The following TFDP2 variants were observed in gnomAD, a reference collection of about 807,000 sequenced individuals.
TFDP2 encodes the protein transcription factor Dp-2 (E2F dimerization partner 2).
A neutral mutation model predicts 59.3 loss-of-function variants in TFDP2; 17 were observed. The observed-to-expected ratio is 0.29, with a 90% confidence interval of 0.20 to 0.43. TFDP2 has a LOEUF of 0.43. Among genes scored for constraint, TFDP2 ranks in the 20% least tolerant of loss-of-function variants. TFDP2 has a pLI of 1.00. For missense variants in TFDP2, 391 were observed against 528.8 expected (o/e 0.74, Z 2.56); for synonymous variants, 180 against 194.7 (o/e 0.92, Z 0.63).
chr3:141,996,257 G>T (rs780447116), intron 4 of TFDP2, among the ~76,000 whole-genome samples: 18 of 152,144 alleles, frequency 1.2e-4, no homozygotes, highest in South Asian at 4.1e-4. Flanking sequence ...AATAGCTTTA[G>T]AAGTATTTTC....
chr3:142,100,171 C>A (rs571499746), intron 2 of TFDP2, among the ~76,000 whole-genome samples: 16 of 152,328 alleles, frequency 1.1e-4, no homozygotes, highest in African/African-American at 3.4e-4. Flanking sequence ...TTAGAACTAT[C>A]GGTCTGACTC....
At chr3:142,102,974 G>T (rs1039893925) in intron 1 of TFDP2, among the ~76,000 whole-genome samples, 3 of 152,172 alleles carry the variant, frequency 2.0e-5, no homozygotes, top group Non-Finnish European at 4.4e-5. Flanking sequence ...AGCGGCTCAC[G>T]CCTGTAATCC....
At chr3:142,037,953 T>C (rs1946764894) in intron 3 of TFDP2, among the ~76,000 whole-genome samples, 3 of 152,238 alleles carry the variant, frequency 2.0e-5, no homozygotes, top group Non-Finnish European at 4.4e-5. Flanking sequence ...ACATCTCTGA[T>C]TCTTTTCTAA....
intron 3 of TFDP2, among the ~76,000 whole-genome samples, chr3:142,046,665 AG>A (rs1947358564): frequency 6.6e-6 from 1 of 152,202 alleles, no homozygotes; most frequent in Non-Finnish European, 1.5e-5. Flanking sequence ...GAAGTAGAGA[AG>A]GGTAGAAATC....
In TFDP2 at chr3:141,945,792, G is replaced by A. The variant is rs796654630; in HGVS notation, c.*6721C>T. Reference sequence around the variant, plus strand: ...AATGGCATGCATTGAAGCACGACAAGGGATGAGTTTTTAAATCCAAACGTG... The same window carrying A: ...AATGGCATGCATTGAAGCACGACAAAGGATGAGTTTTTAAATCCAAACGTG... On this transcript the variant is annotated 3_prime_UTR_variant, in exon 13 of 13. Transcript: ENST00000489671. The A allele has an allele frequency of 6.6e-6, 1 of 152,268 alleles. No homozygotes were observed. The highest frequency in any genetic ancestry group is 6.5e-5 in the Admixed American group (1 of 15,280). The allele number at this position is 152,268 out of a possible 1,614,324, so 9.4% of individuals were successfully genotyped here.
chr3:141,999,187 G>A (rs76602479), intron 4 of TFDP2, among the ~76,000 whole-genome samples: 10,654 of 152,196 alleles, frequency 0.07, 473 homozygotes, highest in Non-Finnish European at 0.11. Context: ...AGACGTCGAG[G>A]ATGAAGACTT....
intron 2 of TFDP2, among the ~76,000 whole-genome samples, chr3:142,097,003 C>T (rs943408527): frequency 2.6e-5 from 4 of 152,210 alleles, no homozygotes; most frequent in African/African-American, 9.6e-5. Flanking sequence ...TCCAACACTT[C>T]AACCCTGACA....
At chr3:142,060,488 G>A (rs1054484923) in intron 3 of TFDP2, among the ~76,000 whole-genome samples, 4 of 152,210 alleles carry the variant, frequency 2.6e-5, no homozygotes, top group African/African-American at 9.6e-5. Context: ...CTGTGAGACA[G>A]GCACTATGCT....
intron 3 of TFDP2, among the ~76,000 whole-genome samples, chr3:142,049,256 A>T (rs1947494067): frequency 1.3e-5 from 2 of 152,234 alleles, no homozygotes; most frequent in African/African-American, 4.8e-5. Context: ...TAGAATATAT[A>T]AAAAGGATAA....
chr3:141,957,491 T>C (rs1387271977), intron 11 of TFDP2, among the ~76,000 whole-genome samples: 1 of 152,204 alleles, frequency 6.6e-6, no homozygotes, highest in East Asian at 1.9e-4. Flanking sequence ...TAAAAACATA[T>C]GTTTACACAT....
At chr3:142,084,108 C>CA (rs2108591789) in intron 3 of TFDP2, among the ~76,000 whole-genome samples, 1 of 152,114 alleles carries the variant, frequency 6.6e-6, no homozygotes, top group Non-Finnish European at 1.5e-5. Flanking sequence ...ACCCACCTGA[C>CA]AAGAGTTTTA....
At chr3:141,958,182 T>C (rs575531914) in intron 11 of TFDP2, among the ~76,000 whole-genome samples, 9 of 152,166 alleles carry the variant, frequency 5.9e-5, no homozygotes, top group Non-Finnish European at 1.2e-4. Flanking sequence ...CTGGGATACA[T>C]GTATAGGAAT....
intron 8 of TFDP2, among the ~76,000 whole-genome samples, chr3:141,970,369 T>C (rs1159722711): frequency 6.6e-6 from 1 of 152,216 alleles, no homozygotes; most frequent in Non-Finnish European, 1.5e-5. Context: ...ATCATACACT[T>C]AATGAATACT....
At chr3:141,992,647 G>A (rs1942895813) in intron 6 of TFDP2, among the ~76,000 whole-genome samples, 1 of 152,164 alleles carries the variant, frequency 6.6e-6, no homozygotes, top group Admixed American at 6.5e-5. Context: ...AGAAGTGATT[G>A]TATCTGTTGA....
intron 1 of TFDP2, chr3:142,145,632 G>A (rs2063142736): frequency 6.6e-6 from 1 of 151,970 alleles, no homozygotes; most frequent in African/African-American, 2.4e-5. Flanking sequence ...CCAGCAACTC[G>A]GGAGGCTGGA....
At chr3:142,125,034 G>GAA (rs201061658) in intron 1 of TFDP2, among the ~76,000 whole-genome samples, 1 of 149,586 alleles carries the variant, frequency 6.7e-6, no homozygotes, top group African/African-American at 2.4e-5. Flanking sequence ...CATCTTTACC[G>GAA]AAAAAAAAAA....
intron 3 of TFDP2, among the ~76,000 whole-genome samples, chr3:142,060,508 T>A (rs1156601986): frequency 6.6e-6 from 1 of 152,196 alleles, no homozygotes; most frequent in East Asian, 1.9e-4. Context: ...TAGGTACAAG[T>A]CCCATGTTGT....
intron 3 of TFDP2, among the ~76,000 whole-genome samples, chr3:142,055,360 C>T (rs146688387): frequency 7.2e-5 from 11 of 152,174 alleles, no homozygotes; most frequent in Non-Finnish European, 1.0e-4. Context: ...GAATCACTCA[C>T]GGGACATATG....
chr3:142,081,199 A>G (rs1315317903), intron 3 of TFDP2, among the ~76,000 whole-genome samples: 3 of 152,332 alleles, frequency 2.0e-5, no homozygotes, highest in African/African-American at 7.2e-5. Flanking sequence ...AAACTGTACA[A>G]AGATATGGAA....
Sources: allele counts gnomAD v4.1 joint callset (sites outside exome capture counted in the v4.1 genomes callset), GRCh38; gene constraint gnomAD v4.1.1; transcripts MANE v1.5; gene names NCBI Gene and HGNC (gene_info 2026-07-23, HGNC 2026-07-21).